The following FCHSD2 variants were observed in gnomAD, a reference collection of about 807,000 sequenced individuals.
FCHSD2 encodes the protein F-BAR and double SH3 domains protein 2.
A neutral mutation model predicts 108.1 loss-of-function variants in FCHSD2; 38 were observed. The observed-to-expected ratio is 0.35, with a 90% CI of 0.27 to 0.46. The LOEUF (loss-of-function observed/expected upper bound fraction) is 0.46, where lower values mean the gene tolerates loss of function less well. Among genes scored for constraint, FCHSD2 ranks in the 20% least tolerant of loss-of-function variants. The probability of loss-of-function intolerance (pLI) is 1.00; values close to 1 mark genes in which losing one functional copy is unlikely to be tolerated. For missense variants in FCHSD2, 751 were observed against 897.8 expected, an observed-to-expected ratio of 0.84 and a Z score of 2.09; for synonymous variants, 279 against 314.7, an observed-to-expected ratio of 0.89 and a Z score of 1.20.
intron 4 of FCHSD2, among the ~76,000 whole-genome samples, chr11:73,014,120 GTTTCTTTTTTT>G (rs1419643922): frequency 2.9e-5 from 4 of 139,338 alleles, no homozygotes; most frequent in Non-Finnish European, 6.2e-5. Context: ...AATCTGTGTG[GTTTCTTTTTTT>G]TTTTTTTTTT....
At chr11:73,023,309 C>CA (rs1858152047) in intron 3 of FCHSD2, among the ~76,000 whole-genome samples, 1 of 151,702 alleles carries the variant, frequency 6.6e-6, no homozygotes, top group African/African-American at 2.4e-5. Context: ...AAAGGAAGTC[C>CA]AAATATATAA....
At chr11:72,903,762 AG>A (rs1855575978) in intron 9 of FCHSD2, among the ~76,000 whole-genome samples, 1 of 152,200 alleles carries the variant, frequency 6.6e-6, no homozygotes, top group Non-Finnish European at 1.5e-5. Context: ...AGAAAAAAAA[AG>A]TTCAAAGTAA....
At chr11:72,894,676 T>C (rs1190251074) in intron 10 of FCHSD2, among the ~76,000 whole-genome samples, 3 of 152,184 alleles carry the variant, frequency 2.0e-5, no homozygotes, top group Non-Finnish European at 4.4e-5. Context: ...TACACGTTTG[T>C]ACAGGTTCAC....
At chr11:72,947,590 T>C (rs749989892) in intron 8 of FCHSD2, among the ~76,000 whole-genome samples, 4 of 152,182 alleles carry the variant, frequency 2.6e-5, no homozygotes, top group Non-Finnish European at 4.4e-5. Flanking sequence ...GCCACACCAC[T>C]ATATTGCTGG....
intron 9 of FCHSD2, among the ~76,000 whole-genome samples, chr11:72,912,136 T>C (rs970535021): frequency 3.2e-4 from 48 of 152,340 alleles, no homozygotes; most frequent in African/African-American, 1.1e-3. Context: ...GGATGCTCTT[T>C]CTTTCTTTTG....
chr11:73,031,516 G>A (rs1858360617), intron 3 of FCHSD2, among the ~76,000 whole-genome samples: 1 of 152,116 alleles, frequency 6.6e-6, no homozygotes, highest in Non-Finnish European at 1.5e-5. Flanking sequence ...GTGGTTACCA[G>A]GAACGGGGAG....
chr11:72,847,639 A>G (rs2135165749), intron 14 of FCHSD2, among the ~76,000 whole-genome samples: 1 of 150,764 alleles, frequency 6.6e-6, no homozygotes, highest in Non-Finnish European at 1.5e-5. Flanking sequence ...CTTAGGATGG[A>G]TGCTAATAGG....
chr11:72,880,291 C>G (rs1050217651), intron 12 of FCHSD2, among the ~76,000 whole-genome samples: 4 of 152,070 alleles, frequency 2.6e-5, no homozygotes, highest in African/African-American at 9.7e-5. Flanking sequence ...TTGTATGGAA[C>G]CACAAAAGTC....
intron 2 of FCHSD2, among the ~76,000 whole-genome samples, chr11:73,119,831 A>G (rs985154332): frequency 6.6e-6 from 1 of 152,214 alleles, no homozygotes; most frequent in African/African-American, 2.4e-5. Context: ...AAAAATTAGT[A>G]CCATAAATAT....
In FCHSD2 at chr11:73,102,492, A is replaced by C. The variant is rs146951208; in HGVS notation, c.120-18752T>G. On this transcript the variant is annotated intron_variant, in intron 2 of 19. Transcript: ENST00000409418. ...CAAAAACTGAAAGCAATGAAACGAA[A>C]CATCCATCAACTGATGAATGAATAA... Among the ~76,000 whole-genome samples the C allele has an allele frequency of 2.3e-3, 347 of 152,360 alleles. 3 individuals carry two copies. Among genetic ancestry groups the C allele is most frequent in the African/African-American group, 8.0e-3 (332 of 41,582 alleles).
chr11:73,028,782 T>C (rs2135448515), intron 3 of FCHSD2, among the ~76,000 whole-genome samples: 1 of 152,288 alleles, frequency 6.6e-6, no homozygotes, highest in Admixed American at 6.5e-5. Flanking sequence ...CATGCTGGTC[T>C]CATGATAGTG....
intron 14 of FCHSD2, among the ~76,000 whole-genome samples, chr11:72,845,308 C>G (rs1010811091): frequency 6.6e-6 from 1 of 151,854 alleles, no homozygotes; most frequent in Non-Finnish European, 1.5e-5. Flanking sequence ...GTAATCCCAG[C>G]TACTTGGGAG....
At chr11:72,923,449 G>C (rs1856012671) in intron 8 of FCHSD2, among the ~76,000 whole-genome samples, 1 of 151,920 alleles carries the variant, frequency 6.6e-6, no homozygotes, top group African/African-American at 2.4e-5. Flanking sequence ...CCACACCCTT[G>C]CCAACACTTA....
chr11:72,991,494 C>T (rs879394775), intron 5 of FCHSD2, among the ~76,000 whole-genome samples: 26 of 152,182 alleles, frequency 1.7e-4, no homozygotes, highest in Non-Finnish European at 3.5e-4. Context: ...TCCAGCAGCA[C>T]ACCAAAAGCT....
chr11:73,076,307 G>T (rs1859548891), intron 3 of FCHSD2, among the ~76,000 whole-genome samples: 1 of 152,150 alleles, frequency 6.6e-6, no homozygotes, highest in African/African-American at 2.4e-5. Context: ...TCACCAGTTG[G>T]TGAATGGATA....
chr11:72,913,824 CA>C (rs1555053450), intron 9 of FCHSD2, among the ~76,000 whole-genome samples: 2,904 of 47,604 alleles, frequency 0.061, 88 homozygotes, highest in African/African-American at 0.17. Context: ...AAAAAAAACC[CA>C]AAAAAAAAAC....
intron 8 of FCHSD2, among the ~76,000 whole-genome samples, chr11:72,971,005 T>C (rs879933477): frequency 6.6e-6 from 1 of 152,154 alleles, no homozygotes; most frequent in Non-Finnish European, 1.5e-5. Context: ...GAATTCAACC[T>C]TCACATTTGA....
rs974612833 is a variant in FCHSD2, at chr11:73,029,624, T to C, written c.166-13739A>G. ...GATTGTGGAGGTGCAGACACAGAGG[T>C]AGGAAGTCATTGCAGCACCCTTTCC... On this transcript the variant is annotated intron_variant, in intron 3 of 19. Transcript: ENST00000409418. Among the ~76,000 whole-genome samples, 5 of 152,170 alleles carry C rather than the reference T, an allele frequency of 3.3e-5. No homozygotes were observed. In the South Asian group the frequency reaches 8.3e-4, roughly 25 times the overall value.
intron 3 of FCHSD2, among the ~76,000 whole-genome samples, chr11:73,043,994 T>A (rs964049646): frequency 6.6e-6 from 1 of 152,156 alleles, no homozygotes; most frequent in African/African-American, 2.4e-5. Context: ...GAGTGAGAAA[T>A]AAATTTCTTT....
Sources: allele counts gnomAD v4.1 joint callset (sites outside exome capture counted in the v4.1 genomes callset), GRCh38; gene constraint gnomAD v4.1.1; transcripts MANE v1.5; gene names NCBI Gene and HGNC (gene_info 2026-07-23, HGNC 2026-07-21).